The following COQ3 variants were observed in gnomAD, a reference collection of about 807,000 sequenced individuals.
COQ3 encodes ubiquinone biosynthesis O-methyltransferase, mitochondrial.
In COQ3, 29 loss-of-function variants were observed where a neutral mutation model predicts 33.1. That is an observed-to-expected ratio of 0.88 (90% CI 0.65 to 1.19). The LOEUF is 1.19. COQ3 is among the 50% of genes most tolerant of loss of function. The pLI is 0.00. For missense variants in COQ3, 437 were observed against 430.7 expected, an observed-to-expected ratio of 1.01 and a Z score of -0.13; for synonymous variants, 173 against 157.8, an observed-to-expected ratio of 1.10 and a Z score of -0.72.
At chr6:99,392,693 T>C (rs1774865019) in intron 1 of COQ3, among the ~76,000 whole-genome samples, 1 of 151,920 alleles carries the variant, frequency 6.6e-6, no homozygotes, top group Admixed American at 6.6e-5. Flanking sequence ...TGGTGTGATC[T>C]TGGCTTACTG....
intron 1 of COQ3, 32 bp downstream of exon 1, chr6:99,394,042 T>G (rs778623412): frequency 2.8e-5 from 44 of 1,570,824 alleles, no homozygotes; most frequent in Non-Finnish European, 3.8e-5. Context: ...CGCAATTGAC[T>G]GCATGCGAAG....
rs748513762 is a variant in COQ3 at position 99,394,123 on chromosome 6, C to A, written c.57G>T (p.Gly19=). The part of the protein sequence containing the change: ...SSGGWFLRVL[G]PGGCNTKAAR... ...CAGCTTTTGTATTACAGCCTCCAGG[C>A]CCCAGCACTCTTAAAAACCAACCCC... The change falls in exon 1 of 7, where the codon GGG becomes GGT. Residue 19 remains glycine, a synonymous_variant. Coordinates refer to ENST00000254759, the MANE Select transcript of COQ3 (RefSeq NM_017421.4). The A allele has an allele frequency of 6.2e-7, 1 of 1,612,432 alleles. No homozygotes were observed. Among genetic ancestry groups the A allele is most frequent in the Non-Finnish European group, 8.5e-7 (1 of 1,179,200 alleles).
chr6:99,391,027 T>C (rs1459535458), intron 1 of COQ3, among the ~76,000 whole-genome samples: 1 of 152,184 alleles, frequency 6.6e-6, no homozygotes, highest in Non-Finnish European at 1.5e-5. Context: ...CCCAAACCCA[T>C]TACAATGTTC....
At chr6:99,371,111 G>C (rs1774130486) in intron 6 of COQ3, among the ~76,000 whole-genome samples, 1 of 152,198 alleles carries the variant, frequency 6.6e-6, no homozygotes, top group Admixed American at 6.5e-5. Context: ...GGCTCAAGAA[G>C]GCAGACTGAG....
At chr6:99,385,720 C>T (rs1213440830) in intron 1 of COQ3, among the ~76,000 whole-genome samples, 1 of 151,898 alleles carries the variant, frequency 6.6e-6, no homozygotes, top group African/African-American at 2.4e-5. Flanking sequence ...GTAATCCCAG[C>T]ACTTTGGGCA....
At chr6:99,391,038 T>G (rs1365010404) in intron 1 of COQ3, among the ~76,000 whole-genome samples, 2 of 152,116 alleles carry the variant, frequency 1.3e-5, no homozygotes, top group African/African-American at 4.8e-5. Context: ...TACAATGTTC[T>G]TTTTTAATAA....
intron 2 of COQ3, among the ~76,000 whole-genome samples, chr6:99,382,297 T>C (rs1482385768): frequency 2.0e-5 from 3 of 152,188 alleles, no homozygotes; most frequent in Admixed American, 6.5e-5. Context: ...CTGACTTCCA[T>C]GTAGAAGCAT....
intron 1 of COQ3, among the ~76,000 whole-genome samples, chr6:99,392,538 C>G (rs1774860078): frequency 6.6e-6 from 1 of 150,446 alleles, no homozygotes; most frequent in African/African-American, 2.5e-5. Context: ...CTTCTGCCCT[C>G]CACCTACACA....
rs1774446959 is a variant in COQ3 at position 99,380,605 on chromosome 6, C to CTAA, written c.234-267_234-265dup. Among the ~76,000 whole-genome samples, 3 of 152,134 alleles carry CTAA rather than the reference C, an allele frequency of 2.0e-5. No individual in the cohort carries two copies. The East Asian group carries it at 5.8e-4, about 29-fold the overall frequency. On this transcript the variant is annotated intron_variant, in intron 2 of 6. Transcript: ENST00000254759. ...TAAAACTTAGCCTTCTGGGTCATAT[C>CTAA]TAATAATAATAACAATAACAATACT...
chr6:99,389,349 T>C (rs1200822023), intron 1 of COQ3, among the ~76,000 whole-genome samples: 2 of 152,158 alleles, frequency 1.3e-5, no homozygotes, highest in East Asian at 3.8e-4. Flanking sequence ...GATCTCAAAC[T>C]CCTGACCTCA....
intron 5 of COQ3, among the ~76,000 whole-genome samples, chr6:99,374,565 C>A (rs144976564): frequency 6.6e-6 from 1 of 152,232 alleles, no homozygotes; most frequent in South Asian, 2.1e-4. Flanking sequence ...AATATGTGAA[C>A]GACAGAGTCA....
In COQ3 at chr6:99,369,792, T is replaced by A; in HGVS notation, c.918A>T (p.Gly306=). Residue 306 remains glycine (G), a synonymous_variant, in exon 7 of 7, where the codon GGA becomes GGT. Transcript: ENST00000254759. ...SNGLSVQTVV[G]MLYNPFSGYW... Reference sequence around the variant, plus strand: ...AACCTGAGAAGGGGTTATAGAGCATTCCTACCACTGTTTGAACTGACAGAC... The same window carrying A: ...AACCTGAGAAGGGGTTATAGAGCATACCTACCACTGTTTGAACTGACAGAC... The A allele has an allele frequency of 6.2e-7, 1 of 1,610,556 alleles. No individual in the cohort carries two copies. Among genetic ancestry groups the A allele is most frequent in the Admixed American group, 1.7e-5 (1 of 59,818 alleles).
At chr6:99,384,024 C>T (rs1195206293) in intron 1 of COQ3, among the ~76,000 whole-genome samples, 200 bp from the exon 2 acceptor site, 6 of 152,122 alleles carry the variant, frequency 3.9e-5, no homozygotes, top group African/African-American at 1.2e-4. Context: ...CCTCAGCTTC[C>T]CAAGTAGCGG....
At chr6:99,381,578 A>T (rs1455821372) in intron 2 of COQ3, among the ~76,000 whole-genome samples, 1 of 152,042 alleles carries the variant, frequency 6.6e-6, no homozygotes, top group Non-Finnish European at 1.5e-5. Flanking sequence ...CAAACACCTA[A>T]TTGATTCCTT....
At chr6:99,374,510 T>A (rs1362748645) in intron 5 of COQ3, among the ~76,000 whole-genome samples, 1 of 152,222 alleles carries the variant, frequency 6.6e-6, no homozygotes, top group Non-Finnish European at 1.5e-5. Context: ...ATAAGAGCTA[T>A]GCATTTCATT....
intron 4 of COQ3, among the ~76,000 whole-genome samples, chr6:99,376,700 G>A (rs1774291317): frequency 6.6e-6 from 1 of 152,152 alleles, no homozygotes; most frequent in African/African-American, 2.4e-5. Flanking sequence ...GCCAGGCACG[G>A]TGGCTCACGC....
intron 2 of COQ3, among the ~76,000 whole-genome samples, chr6:99,381,898 C>T (rs1292706339): frequency 1.3e-5 from 2 of 150,236 alleles, no homozygotes; most frequent in Admixed American, 1.3e-4. Context: ...TGCACTCCAG[C>T]CTGGGTGAAA....
chr6:99,387,759 A>T (rs1030750952), intron 1 of COQ3, among the ~76,000 whole-genome samples: 3 of 152,246 alleles, frequency 2.0e-5, no homozygotes, highest in African/African-American at 7.2e-5. Flanking sequence ...AAGAAAAGGA[A>T]ATAAAAGATA....
At chr6:99,392,514 C>A (rs1379014409) in intron 1 of COQ3, among the ~76,000 whole-genome samples, 1 of 151,230 alleles carries the variant, frequency 6.6e-6, no homozygotes, top group Non-Finnish European at 1.5e-5. Flanking sequence ...TCCCTTGCCA[C>A]CCCCTGCCTT....
Sources: allele counts gnomAD v4.1 joint callset (sites outside exome capture counted in the v4.1 genomes callset), GRCh38; gene constraint gnomAD v4.1.1; transcripts MANE v1.5; gene names NCBI Gene and HGNC (gene_info 2026-07-23, HGNC 2026-07-21).